Variants in SCAPER observed in about 807,000 individuals in gnomAD.
SCAPER encodes the protein S-phase cyclin A associated protein in the ER.
Under a neutral mutation model 182.2 loss-of-function variants are expected in SCAPER, and 98 were observed. The observed-to-expected ratio is 0.54, with a 90% CI of 0.46 to 0.64. SCAPER has a LOEUF of 0.64. Ranked by LOEUF, SCAPER falls within the 30% of genes least tolerant of loss-of-function variation. SCAPER has a pLI of 0.00. For missense variants in SCAPER, 1,432 were observed against 1,690.0 expected (o/e 0.85, Z 2.68); for synonymous variants, 605 against 564.6 (o/e 1.07, Z -1.01).
intron 20 of SCAPER, among the ~76,000 whole-genome samples, chr15:76,687,685 G>A (rs1265727611): frequency 2.6e-5 from 4 of 152,144 alleles, no homozygotes; most frequent in Non-Finnish European, 5.9e-5. Context: ...GTGAGAACAT[G>A]CGGTGTTTGG....
chr15:76,359,414 AGTAG>A (rs2141710531), intron 29 of SCAPER, among the ~76,000 whole-genome samples: 1 of 152,362 alleles, frequency 6.6e-6, no homozygotes, highest in East Asian at 1.9e-4. Context: ...GCAGTGGCAG[AGTAG>A]GAAATGTATT....
In SCAPER at chr15:76,604,727, G is replaced by A. The variant is rs557341066; in HGVS notation, c.2711+17037C>T. Among the ~76,000 whole-genome samples, 21 of 151,924 alleles carry A rather than the reference G, an allele frequency of 1.4e-4. No individual in the cohort carries two copies. The East Asian group carries it at 2.3e-3, about 17-fold the overall frequency. ...TGAGCAGTGGTTTGTAGTTCTCCTT[G>A]AAGAGGTCCTTCACATCCCTTGTAA... On this transcript the variant is annotated intron_variant, in intron 22 of 31. Transcript: ENST00000563290.
chr15:76,833,142 C>T (rs1053649966), intron 5 of SCAPER, among the ~76,000 whole-genome samples: 1 of 152,102 alleles, frequency 6.6e-6, no homozygotes, highest in African/African-American at 2.4e-5. Context: ...GGCAAGTCAC[C>T]TACAAAGGGA....
chr15:76,436,621 A>T (rs1168648764), intron 25 of SCAPER, among the ~76,000 whole-genome samples: 1 of 151,750 alleles, frequency 6.6e-6, no homozygotes, highest in Non-Finnish European at 1.5e-5. Flanking sequence ...ACTTTTTAAA[A>T]GATTTTTTTT....
At chr15:76,853,825 G>A (rs2071037827) in intron 4 of SCAPER, among the ~76,000 whole-genome samples, 1 of 152,048 alleles carries the variant, frequency 6.6e-6, no homozygotes, top group Non-Finnish European at 1.5e-5. Flanking sequence ...AGAGCCATCA[G>A]GCAAGAGAAA....
chr15:76,665,910 C>T, intron 20 of SCAPER, 121 bp from the exon 21 acceptor site: 1 of 830,920 alleles, frequency 1.2e-6, no homozygotes, highest in Non-Finnish European at 1.7e-6. Context: ...CTCCGTAATA[C>T]ACTGGTTTCT....
At chr15:76,707,743 T>C (rs577222382) in intron 17 of SCAPER, among the ~76,000 whole-genome samples, 1 of 152,168 alleles carries the variant, frequency 6.6e-6, no homozygotes, top group East Asian at 1.9e-4. Context: ...ACAATATCAA[T>C]TACCTTTACC....
chr15:76,620,131 A>G (rs1179357732), intron 22 of SCAPER, among the ~76,000 whole-genome samples: 1 of 152,134 alleles, frequency 6.6e-6, no homozygotes, highest in Non-Finnish European at 1.5e-5. Context: ...TTTTATTGCT[A>G]TTGTAAATAT....
intron 23 of SCAPER, among the ~76,000 whole-genome samples, chr15:76,555,352 C>G (rs982647409): frequency 2.0e-5 from 3 of 152,122 alleles, no homozygotes; most frequent in African/African-American, 7.2e-5. Context: ...TAGCTAACAA[C>G]AAGATGACAG....
At chr15:76,518,665 T>A (rs1371647556) in intron 23 of SCAPER, among the ~76,000 whole-genome samples, 1 of 152,172 alleles carries the variant, frequency 6.6e-6, no homozygotes, top group Non-Finnish European at 1.5e-5. Flanking sequence ...GCAAAATGTG[T>A]TCCTATCAGA....
chr15:76,741,486 T>A (rs951970007), intron 15 of SCAPER, among the ~76,000 whole-genome samples: 10 of 152,018 alleles, frequency 6.6e-5, no homozygotes, highest in Non-Finnish European at 7.4e-5. Context: ...GAAAGATTAA[T>A]CTGGAGGGAG....
intron 22 of SCAPER, among the ~76,000 whole-genome samples, chr15:76,581,558 G>A (rs1310547022): frequency 1.3e-5 from 2 of 152,126 alleles, no homozygotes; most frequent in African/African-American, 2.4e-5. Flanking sequence ...GGACAAAAAC[G>A]ATATAATCAT....
intron 25 of SCAPER, among the ~76,000 whole-genome samples, chr15:76,441,949 A>G (rs935141364): frequency 6.6e-6 from 1 of 152,168 alleles, no homozygotes; most frequent in Non-Finnish European, 1.5e-5. Flanking sequence ...GCATGTAGAC[A>G]CTGATTTTCA....
intron 29 of SCAPER, among the ~76,000 whole-genome samples, chr15:76,372,040 C>A (rs1033024190): frequency 1.4e-5 from 2 of 146,436 alleles, no homozygotes; most frequent in African/African-American, 5.0e-5. Context: ...TTTTTTTAAT[C>A]TTGTTCTTTC....
intron 4 of SCAPER, among the ~76,000 whole-genome samples, chr15:76,847,715 G>A (rs1038798181): frequency 6.6e-6 from 1 of 152,142 alleles, no homozygotes; most frequent in Non-Finnish European, 1.5e-5. Flanking sequence ...GAGCTTACAA[G>A]TTTGAGAACA....
intron 26 of SCAPER, among the ~76,000 whole-genome samples, chr15:76,428,866 C>CCA (rs1555432006): frequency 2.5e-5 from 2 of 79,952 alleles, no homozygotes; most frequent in African/African-American, 1.1e-4. Context: ...GATCATTATA[C>CCA]TATATATATA....
At chr15:76,362,153 A>G (rs748242611) in intron 29 of SCAPER, among the ~76,000 whole-genome samples, 2 of 151,920 alleles carry the variant, frequency 1.3e-5, no homozygotes, top group African/African-American at 2.4e-5. Flanking sequence ...TTGTATTTTT[A>G]GTAGAGACGG....
intron 22 of SCAPER, among the ~76,000 whole-genome samples, chr15:76,578,334 G>A (rs1274864741): frequency 1.3e-5 from 2 of 152,110 alleles, no homozygotes; most frequent in Non-Finnish European, 2.9e-5. Flanking sequence ...GCTGATTGCT[G>A]AGCCCTAGGG....
At position 76,532,545 on chromosome 15, in the gene SCAPER, C is replaced by T. The variant is rs531431621; in HGVS notation, c.2839-27571G>A. 7.9e-4 allele frequency among the ~76,000 whole-genome samples: 120 copies of T among 152,240 alleles called. 1 individual carries two copies. Among genetic ancestry groups the T allele is most frequent in the African/African-American group, 2.8e-3 (117 of 41,544 alleles). ...CCATATTTTCTCTCATTCAAGTCTGCAGGCTAATGCTGACTTTTCACTCAT... is the reference window on the plus strand; with the variant it reads ...CCATATTTTCTCTCATTCAAGTCTGTAGGCTAATGCTGACTTTTCACTCAT... On this transcript the variant is annotated intron_variant, in intron 23 of 31. Transcript: ENST00000563290.
Sources: allele counts gnomAD v4.1 joint callset (sites outside exome capture counted in the v4.1 genomes callset), GRCh38; gene constraint gnomAD v4.1.1; transcripts MANE v1.5; gene names NCBI Gene and HGNC (gene_info 2026-07-23, HGNC 2026-07-21).